VWA8: variants seen among roughly 807,000 people sequenced by gnomAD.
VWA8 encodes the protein von Willebrand factor A domain-containing protein 8.
In VWA8, 221 loss-of-function variants were observed where a neutral mutation model predicts 241.5. The observed-to-expected ratio is 0.91, with a 90% confidence interval of 0.82 to 1.02. VWA8 has a LOEUF of 1.02. VWA8 is among the 50% of genes least tolerant of loss of function. The pLI is 0.00. For missense variants in VWA8, 2,322 were observed against 2,328.7 expected (o/e 1.00, Z 0.06); for synonymous variants, 852 against 827.1 (o/e 1.03, Z -0.52).
chr13:41,838,938 A>G (rs1260606560), intron 12 of VWA8, among the ~76,000 whole-genome samples: 1 of 152,198 alleles, frequency 6.6e-6, no homozygotes, highest in Non-Finnish European at 1.5e-5. Context: ...GCTATTGTGA[A>G]TAGTGCTGCA....
rs2044273314 is a variant in VWA8 at position 41,568,141 on chromosome 13, CTT to C, written c.*54_*55del. 2.1e-6 allele frequency: 3 copies of C among 1,452,994 alleles called. No individual in the cohort carries two copies. The highest frequency in any genetic ancestry group is 9.6e-7 in the Non-Finnish European group (1 of 1,037,568). The allele number at this position is 1,452,994 out of a possible 1,614,324, so 90.0% of individuals were successfully genotyped here. On this transcript the variant is annotated 3_prime_UTR_variant, in exon 45 of 45. Coordinates refer to ENST00000379310, the MANE Select transcript of VWA8 (RefSeq NM_015058.2). ...CATATCTTCTTTTTTTCAGAATACT[CTT>C]TATTCCTGTCTTATTTCAAATCCTG...
chr13:41,754,743 C>T (rs968379518), intron 21 of VWA8, among the ~76,000 whole-genome samples: 2 of 152,024 alleles, frequency 1.3e-5, no homozygotes, highest in Non-Finnish European at 1.5e-5. Flanking sequence ...TACTTACTTC[C>T]GCAACACCCC....
At chr13:41,942,008 TA>T (rs1296542292) in intron 2 of VWA8, among the ~76,000 whole-genome samples, 1 of 152,188 alleles carries the variant, frequency 6.6e-6, no homozygotes, top group African/African-American at 2.4e-5. Flanking sequence ...AAGTTTAATG[TA>T]AAACATTAGC....
Position 41,864,373 on chromosome 13 carries a change from C to T in VWA8, c.1425+1363G>A, listed in dbSNP as rs571233711. Among the ~76,000 whole-genome samples, 4 of 152,236 alleles carry T rather than the reference C, an allele frequency of 2.6e-5. No individual in the cohort carries two copies. In the East Asian group the frequency reaches 5.8e-4, roughly 22 times the overall value. On this transcript the variant is annotated intron_variant, in intron 12 of 44. Coordinates refer to ENST00000379310, the MANE Select transcript of VWA8 (RefSeq NM_015058.2). The stretch of plus-strand genomic sequence containing the variant: ...ATACATACTTGTATACCACTGTTCA[C>T]AGCAGAATTACTTACTATAGCCAAA...
In VWA8 at chr13:41,784,761, T is replaced by TATAC. The variant is rs1168034186; in HGVS notation, c.2171-861_2171-860insGTAT. Among the ~76,000 whole-genome samples, 16 of 78,508 alleles carry TATAC rather than the reference T, an allele frequency of 2.0e-4. 1 individual carries two copies. Among genetic ancestry groups the TATAC allele is most frequent in the African/African-American group, 3.9e-4 (9 of 22,854 alleles). The allele number at this position is 78,508 out of a possible 152,430, so 51.5% of individuals were successfully genotyped here. A position where few individuals can be genotyped will look rare whatever the true frequency, so the allele number is the denominator to read the frequency against. On this transcript the variant is annotated intron_variant, in intron 18 of 44. Coordinates refer to ENST00000379310, the MANE Select transcript of VWA8 (RefSeq NM_015058.2). ...ACATATATATATATATATATATATA[T>TATAC]ACACACACACACACTAAAACATAAC...
chr13:41,913,314 AT>A (rs1489599688), intron 2 of VWA8, among the ~76,000 whole-genome samples: 1 of 152,174 alleles, frequency 6.6e-6, no homozygotes, highest in Non-Finnish European at 1.5e-5. Flanking sequence ...AATCAAAGAG[AT>A]TCTTATGTAT....
At chr13:41,806,065 A>C (rs1219993100) in intron 17 of VWA8, among the ~76,000 whole-genome samples, 1 of 151,886 alleles carries the variant, frequency 6.6e-6, no homozygotes, top group African/African-American at 2.4e-5. Flanking sequence ...TAAAACTAGA[A>C]ATCAGTAACT....
intron 4 of VWA8, 119 bp downstream of exon 4, chr13:41,907,467 G>C: frequency 1.3e-6 from 1 of 783,036 alleles, no homozygotes; most frequent in South Asian, 1.9e-5. Context: ...AATCTGTCTA[G>C]AGAGAGCACA....
chr13:41,819,660 G>A (rs890893890), intron 14 of VWA8, among the ~76,000 whole-genome samples: 1 of 152,140 alleles, frequency 6.6e-6, no homozygotes, highest in East Asian at 1.9e-4. Context: ...TTGATATACT[G>A]TTATGCCTAC....
intron 13 of VWA8, among the ~76,000 whole-genome samples, chr13:41,831,487 C>T (rs933129067): frequency 6.6e-6 from 1 of 152,088 alleles, no homozygotes; most frequent in Non-Finnish European, 1.5e-5. Flanking sequence ...AAAATGGATG[C>T]TTATAGCTGT....
intron 17 of VWA8, among the ~76,000 whole-genome samples, chr13:41,799,392 A>G (rs1359258458): frequency 3.9e-5 from 6 of 152,200 alleles, no homozygotes; most frequent in Non-Finnish European, 8.8e-5. Context: ...CGGCATCAAC[A>G]TGGACCCTCA....
chr13:41,873,264 T>A (rs1304264025), intron 9 of VWA8, among the ~76,000 whole-genome samples: 1 of 151,750 alleles, frequency 6.6e-6, no homozygotes, highest in South Asian at 2.1e-4. Flanking sequence ...AACATCACAA[T>A]TAAAAGAACT....
At chr13:41,912,730 T>G (rs1313983168) in intron 2 of VWA8, among the ~76,000 whole-genome samples, 1 of 152,218 alleles carries the variant, frequency 6.6e-6, no homozygotes, top group Non-Finnish European at 1.5e-5. Context: ...AAACTACTTC[T>G]TTAGAATTAA....
intron 2 of VWA8, chr13:41,927,365 C>T (rs1218240131): frequency 3.8e-6 from 2 of 522,266 alleles, no homozygotes; most frequent in African/African-American, 1.9e-5. Context: ...ATAATAATTG[C>T]AAGTTGTATA....
intron 5 of VWA8, among the ~76,000 whole-genome samples, chr13:41,890,657 A>T (rs1006886351): frequency 6.6e-6 from 1 of 152,226 alleles, no homozygotes; most frequent in African/African-American, 2.4e-5. Flanking sequence ...GGAACTTGAG[A>T]TAATACCAGT....
intron 40 of VWA8, among the ~76,000 whole-genome samples, chr13:41,596,332 C>G (rs939516835): frequency 2.0e-5 from 3 of 152,024 alleles, no homozygotes; most frequent in Non-Finnish European, 2.9e-5. Flanking sequence ...AGAATGAATG[C>G]TCTTGGGGGC....
intron 20 of VWA8, 33 bp from the exon 21 acceptor site, chr13:41,761,237 A>G (rs1415847773): frequency 6.3e-6 from 10 of 1,599,098 alleles, no homozygotes; most frequent in East Asian, 2.2e-5. Flanking sequence ...AAACAAAAAG[A>G]GGCTATTTTC....
chr13:41,926,198 G>C, intron 2 of VWA8: 1 of 679,352 alleles, frequency 1.5e-6, no homozygotes, highest in East Asian at 2.6e-5. Context: ...TTCCTTATGA[G>C]ATCACACTGC....
At position 41,703,308 on chromosome 13, in the gene VWA8, T is replaced by C. The variant is rs2045261776; in HGVS notation, c.3220A>G (p.Ile1074Val). ...AGAATAATGATGATATCAACCTTTA[T>C]GTCTATATGATGAGTTTCCACTGGA... ...LCPVETHHIDIKGPALINIQE... is the reference protein window; with the variant it reads ...LCPVETHHIDVKGPALINIQE... The change falls in exon 27 of 45, where the codon ATA becomes GTA. Residue 1074 changes from isoleucine to valine, a missense_variant. Transcript: ENST00000379310. 1 of 1,613,198 alleles carries C rather than the reference T, an allele frequency of 6.2e-7. No individual in the cohort carries two copies. The highest frequency in any genetic ancestry group is 1.3e-5 in the African/African-American group (1 of 75,034).
Sources: allele counts gnomAD v4.1 joint callset (sites outside exome capture counted in the v4.1 genomes callset), GRCh38; gene constraint gnomAD v4.1.1; transcripts MANE v1.5; gene names NCBI Gene and HGNC (gene_info 2026-07-23, HGNC 2026-07-21).